WWOX: variants seen among roughly 807,000 people sequenced by gnomAD.
WWOX encodes WW domain containing oxidoreductase.
Under a neutral mutation model 46.2 loss-of-function variants are expected in WWOX, and 69 were observed. The observed-to-expected ratio is 1.49, with a 90% CI of 1.23 to 1.82. The LOEUF (loss-of-function observed/expected upper bound fraction) is 1.82, where lower values mean the gene tolerates loss of function less well. WWOX is among the 40% of genes most tolerant of loss of function. The pLI is 0.00. For missense variants in WWOX, 919 were observed against 542.6 expected, an observed-to-expected ratio of 1.69 and a Z score of -6.89; for synonymous variants, 359 against 202.6, an observed-to-expected ratio of 1.77 and a Z score of -6.56.
intron 8 of WWOX, among the ~76,000 whole-genome samples, chr16:78,727,651 ATTC>A (rs760341936): frequency 6.6e-6 from 1 of 152,086 alleles, no homozygotes; most frequent in Non-Finnish European, 1.5e-5. Context: ...TTTCCCTTAA[ATTC>A]TTCTTTTTCC....
At position 78,601,902 on chromosome 16, in the gene WWOX, C is replaced by T. The variant is rs778883616; in HGVS notation, c.1056+169150C>T. 5.2e-4 allele frequency among the ~76,000 whole-genome samples: 79 copies of T among 152,278 alleles called. 1 individual carries two copies. Among genetic ancestry groups the T allele is most frequent in the Admixed American group, 2.2e-3 (34 of 15,306 alleles). ...TTAAGTGCCGAGCTGGGTTTTGCCT[C>T]ATGATCCAATTGTTTTATTAGCGAA... On this transcript the variant is annotated intron_variant, in intron 8 of 8. Transcript: ENST00000566780.
chr16:78,504,637 T>G (rs746293548), intron 8 of WWOX, among the ~76,000 whole-genome samples: 1 of 152,176 alleles, frequency 6.6e-6, no homozygotes, highest in Admixed American at 6.5e-5. Context: ...CCAGAACTTA[T>G]GAAATATGAC....
chr16:78,967,427 G>C (rs528220064), intron 8 of WWOX, among the ~76,000 whole-genome samples: 1 of 140,470 alleles, frequency 7.1e-6, no homozygotes, highest in Non-Finnish European at 1.5e-5. Flanking sequence ...GGGACCACAA[G>C]TATGCACCAA....
At chr16:78,839,931 T>C (rs1344540883) in intron 8 of WWOX, among the ~76,000 whole-genome samples, 1 of 152,194 alleles carries the variant, frequency 6.6e-6, no homozygotes, top group Admixed American at 6.5e-5. Context: ...CATTTTCTAG[T>C]TAACCATATA....
chr16:78,188,162 T>A (rs1428878512), intron 5 of WWOX, among the ~76,000 whole-genome samples: 1 of 152,102 alleles, frequency 6.6e-6, no homozygotes, highest in African/African-American at 2.4e-5. Flanking sequence ...TTTATCAAAG[T>A]GGTGAGAAGA....
intron 8 of WWOX, among the ~76,000 whole-genome samples, chr16:78,548,587 A>T (rs934823761): frequency 1.3e-5 from 2 of 152,184 alleles, no homozygotes; most frequent in Non-Finnish European, 2.9e-5. Context: ...CAATTTAAAC[A>T]TCATCTCTCA....
rs142372526 is a variant in WWOX, at chr16:79,099,068, CACATGGGCAGAGAGG to C, written c.1057-112538_1057-112524del. ...AAGAGAAGCCAGTGTGTGCAGAGAT[CACATGGGCAGAGAGG>C]AAGCAAGAGAGAAGGGAAGTGCCAG... On this transcript the variant is annotated intron_variant, in intron 8 of 8. Transcript: ENST00000566780. Among the ~76,000 whole-genome samples, 1,327 of 152,258 alleles carry C rather than the reference CACATGGGCAGAGAGG, an allele frequency of 8.7e-3. 24 individuals are homozygous for C. The highest frequency in any genetic ancestry group is 0.03 in the African/African-American group (1,242 of 41,540).
At chr16:79,003,190 G>T (rs757845258) in intron 8 of WWOX, among the ~76,000 whole-genome samples, 3 of 152,184 alleles carry the variant, frequency 2.0e-5, no homozygotes, top group Non-Finnish European at 2.9e-5. Context: ...ATAAAACTAA[G>T]TGCTTAGTGA....
chr16:78,541,398 C>T lies in WWOX; in HGVS notation c.1056+108646C>T, dbSNP rs920837493. On this transcript the variant is annotated intron_variant, in intron 8 of 8. Coordinates refer to ENST00000566780, the MANE Select transcript of WWOX (RefSeq NM_016373.4). ...CTGAGGCAGGAGAATGGCGTGAACC[C>T]GGGAGGCGGAGCTTGCAGTGAGCCG... 1.3e-4 allele frequency among the ~76,000 whole-genome samples: 18 copies of T among 134,406 alleles called. No homozygotes were observed. The East Asian group carries it at 1.4e-3, about 11-fold the overall frequency. 88.2% of individuals were successfully genotyped at this position (134,406 alleles called of 152,430 possible).
intron 8 of WWOX, among the ~76,000 whole-genome samples, chr16:78,443,026 C>T (rs932212228): frequency 2.0e-5 from 3 of 150,992 alleles, no homozygotes; most frequent in African/African-American, 4.9e-5. Context: ...GTCCCAGCTA[C>T]TCAGGAGGCT....
At chr16:78,979,453 G>A (rs147752384) in intron 8 of WWOX, among the ~76,000 whole-genome samples, 47 of 152,246 alleles carry the variant, frequency 3.1e-4, no homozygotes, top group African/African-American at 1.1e-3. Context: ...CTCCCCCATC[G>A]AGGTGCTCAG....
At chr16:78,812,725 TC>T (rs2051223026) in intron 8 of WWOX, among the ~76,000 whole-genome samples, 1 of 147,968 alleles carries the variant, frequency 6.8e-6, no homozygotes, top group Non-Finnish European at 1.5e-5. Context: ...GACTCCATCC[TC>T]CCACCCCCTA....
Position 78,722,046 on chromosome 16 carries a change from G to C in WWOX, c.1056+289294G>C, listed in dbSNP as rs117922876. On this transcript the variant is annotated intron_variant, in intron 8 of 8. Coordinates refer to ENST00000566780, the MANE Select transcript of WWOX (RefSeq NM_016373.4). ...GGTGGTATTTTGCATATTAATACTT[G>C]CTTAAATCAAGAAGCTAAGACTTTG... Among the ~76,000 whole-genome samples, 13 of 152,280 alleles carry C rather than the reference G, an allele frequency of 8.5e-5. No homozygotes were observed. The East Asian group carries it at 2.5e-3, about 29-fold the overall frequency.
At position 78,517,457 on chromosome 16, in the gene WWOX, C is replaced by T. The variant is rs774982513; in HGVS notation, c.1056+84705C>T. Among the ~76,000 whole-genome samples the T allele has an allele frequency of 4.6e-5, 7 of 152,230 alleles. No individual in the cohort carries two copies. In the South Asian group the frequency reaches 8.3e-4, roughly 18 times the overall value. On this transcript the variant is annotated intron_variant, in intron 8 of 8. Coordinates refer to ENST00000566780, the MANE Select transcript of WWOX (RefSeq NM_016373.4). ...GTTTAAATATGAATGTCTTGTTCGA[C>T]GCTTCGCATATGTATTTATGGCTGT...
intron 8 of WWOX, among the ~76,000 whole-genome samples, chr16:78,565,021 G>A (rs78208774): frequency 5.3e-5 from 8 of 152,048 alleles, no homozygotes; most frequent in East Asian, 1.9e-4. Flanking sequence ...CCTAGGAACC[G>A]AGAGAAGAGT....
At chr16:78,858,704 G>C (rs2052628908) in intron 8 of WWOX, among the ~76,000 whole-genome samples, 1 of 151,652 alleles carries the variant, frequency 6.6e-6, no homozygotes, top group Non-Finnish European at 1.5e-5. Flanking sequence ...TTTTGAGATA[G>C]TGTCTTACTT....
intron 8 of WWOX, among the ~76,000 whole-genome samples, chr16:78,703,718 TC>T (rs2048274331): frequency 6.6e-6 from 1 of 152,118 alleles, no homozygotes; most frequent in Admixed American, 6.6e-5. Flanking sequence ...TGCTTGAATT[TC>T]TTGGGTTGGG....
chr16:78,314,700 T>G (rs7201366), intron 5 of WWOX, among the ~76,000 whole-genome samples: 2 of 69,928 alleles, frequency 2.9e-5, no homozygotes, highest in African/African-American at 2.0e-4. Flanking sequence ...TTTTTTTTTT[T>G]GTTTTTTTTT....
At chr16:78,444,665 G>C (rs1333499017) in intron 8 of WWOX, among the ~76,000 whole-genome samples, 1 of 151,736 alleles carries the variant, frequency 6.6e-6, no homozygotes, top group African/African-American at 2.4e-5. Flanking sequence ...CGAGTAGCTA[G>C]GACTACAGGC....
Sources: allele counts gnomAD v4.1 joint callset (sites outside exome capture counted in the v4.1 genomes callset), GRCh38; gene constraint gnomAD v4.1.1; transcripts MANE v1.5; gene names NCBI Gene and HGNC (gene_info 2026-07-23, HGNC 2026-07-21).